ARHGAP23: variants seen among roughly 807,000 people sequenced by gnomAD.
ARHGAP23 encodes Rho GTPase activating protein 23.
In ARHGAP23, 34 loss-of-function variants were observed where a neutral mutation model predicts 136.3. The observed-to-expected ratio is 0.25, with a 90% CI of 0.19 to 0.33. The LOEUF is 0.33. Among genes scored for constraint, ARHGAP23 ranks in the 10% least tolerant of loss-of-function variants. The probability of loss-of-function intolerance (pLI) is 1.00; values close to 1 mark genes in which losing one functional copy is unlikely to be tolerated. For missense variants in ARHGAP23, 1,808 were observed against 2,139.0 expected, an observed-to-expected ratio of 0.85 and a Z score of 3.05; for synonymous variants, 832 against 920.5, an observed-to-expected ratio of 0.90 and a Z score of 1.74.
intron 22 of ARHGAP23, chr17:38,498,982 A>C (rs1162596229): frequency 1.4e-6 from 1 of 692,380 alleles, no homozygotes; most frequent in South Asian, 1.5e-5. Context: ...GGCCTCGGTC[A>C]CTAACAGTGG....
intron 1 of ARHGAP23, among the ~76,000 whole-genome samples, chr17:38,447,044 C>G (rs1025739956): frequency 6.6e-6 from 1 of 152,170 alleles, no homozygotes; most frequent in Non-Finnish European, 1.5e-5. Flanking sequence ...CACTCCTGGC[C>G]TCCCAAACAC....
At chr17:38,475,026 G>T (rs960087755) in intron 11 of ARHGAP23, among the ~76,000 whole-genome samples, 1 of 152,214 alleles carries the variant, frequency 6.6e-6, no homozygotes, top group African/African-American at 2.4e-5. Flanking sequence ...CTGCTCACTG[G>T]CCAGTTCTGG....
At chr17:38,454,127 C>T (rs1266286824) in intron 1 of ARHGAP23, 1 of 151,490 alleles carries the variant, frequency 6.6e-6, no homozygotes, top group Non-Finnish European at 1.5e-5. Context: ...GCGCCCGGGC[C>T]GCGCCGGGCC....
chr17:38,499,509 C>T (rs908538737), intron 22 of ARHGAP23, among the ~76,000 whole-genome samples: 3 of 152,308 alleles, frequency 2.0e-5, no homozygotes, highest in South Asian at 2.1e-4. Context: ...CTCCTCCCCC[C>T]GCCATGGTTG....
chr17:38,455,296 G>A lies in ARHGAP23; in HGVS notation c.64-2806G>A, dbSNP rs537618808. On this transcript the variant is annotated intron_variant, in intron 1 of 23. Transcript: ENST00000622683. The stretch of plus-strand genomic sequence containing the variant: ...GTCCTGGTGTCTCCTCTTCAAGCAG[G>A]TGTGTGGTAGCTGTGGCTGTGTGGT... 3.3e-5 allele frequency among the ~76,000 whole-genome samples: 5 copies of A among 152,338 alleles called. No homozygotes were observed. In the South Asian group the frequency reaches 1.0e-3, roughly 32 times the overall value.
At chr17:38,467,631 TCTTC>T (rs1276866426) in intron 7 of ARHGAP23, among the ~76,000 whole-genome samples, 1 of 151,950 alleles carries the variant, frequency 6.6e-6, no homozygotes, top group Non-Finnish European at 1.5e-5. Flanking sequence ...CATCATCTGT[TCTTC>T]CTTCCTTCTT....
intron 17 of ARHGAP23, 79 bp from the exon 18 acceptor site, chr17:38,490,023 C>G: frequency 7.0e-7 from 1 of 1,419,584 alleles, no homozygotes; most frequent in South Asian, 1.2e-5. Context: ...AAACACAGCC[C>G]TCCCAGCAGG....
chr17:38,456,685 G>A (rs1164762668), intron 1 of ARHGAP23, among the ~76,000 whole-genome samples: 1 of 152,180 alleles, frequency 6.6e-6, no homozygotes, highest in African/African-American at 2.4e-5. Flanking sequence ...ATCTTCCCCA[G>A]TTGGGCTCCG....
intron 3 of ARHGAP23, 53 bp downstream of exon 3, chr17:38,460,985 C>T: frequency 6.5e-7 from 1 of 1,528,872 alleles, no homozygotes; most frequent in Non-Finnish European, 8.8e-7. Context: ...CTTCCAGCTC[C>T]TGTCTCTCCC....
chr17:38,458,041 T>C (rs2039369212), intron 1 of ARHGAP23, 61 bp from the exon 2 acceptor site: 6 of 1,526,218 alleles, frequency 3.9e-6, no homozygotes, highest in Non-Finnish European at 4.4e-6. Flanking sequence ...CAGGAGGTGG[T>C]GCAAACAGCC....
At chr17:38,493,690 G>T (rs1405566028) in intron 20 of ARHGAP23, among the ~76,000 whole-genome samples, 1 of 152,236 alleles carries the variant, frequency 6.6e-6, no homozygotes, top group Non-Finnish European at 1.5e-5. Flanking sequence ...CATAGCCAGG[G>T]CAGTGCTGCT....
At chr17:38,474,247 G>T (rs115518571) in intron 11 of ARHGAP23, among the ~76,000 whole-genome samples, 1,913 of 152,312 alleles carry the variant, frequency 0.013, 46 homozygotes, top group African/African-American at 0.044. Flanking sequence ...ATGTGGGCTG[G>T]GGATGGCAGG....
At chr17:38,507,993 T>A (rs2144821526) in intron 23 of ARHGAP23, among the ~76,000 whole-genome samples, 1 of 152,344 alleles carries the variant, frequency 6.6e-6, no homozygotes, top group African/African-American at 2.4e-5. Context: ...CAGGAACCAG[T>A]CCCAGCGTCT....
At chr17:38,481,406 C>T (rs2040038806) in intron 14 of ARHGAP23, among the ~76,000 whole-genome samples, 1 of 152,188 alleles carries the variant, frequency 6.6e-6, no homozygotes, top group Non-Finnish European at 1.5e-5. Context: ...CTCGGCCTCC[C>T]ATAGTGCTGG....
intron 20 of ARHGAP23, among the ~76,000 whole-genome samples, chr17:38,493,261 GGGCAGA>G (rs1354331909): frequency 1.3e-5 from 2 of 150,972 alleles, no homozygotes; most frequent in African/African-American, 4.9e-5. Context: ...GGAGTGCAGT[GGGCAGA>G]TACGGCCCAC....
intron 23 of ARHGAP23, 60 bp from the exon 24 acceptor site, chr17:38,509,884 C>A: frequency 8.4e-7 from 1 of 1,196,182 alleles, no homozygotes; most frequent in Non-Finnish European, 1.1e-6. Context: ...CCGGGTAGAG[C>A]GGGGTCGGCA....
chr17:38,481,078 C>T (rs562744764), intron 14 of ARHGAP23, among the ~76,000 whole-genome samples: 6 of 152,144 alleles, frequency 3.9e-5, no homozygotes, highest in Non-Finnish European at 7.4e-5. Context: ...TAGGTTCAAG[C>T]GATTCTTGTG....
Position 38,466,287 on chromosome 17 carries a change from T to C in ARHGAP23, c.604T>C (p.Ser202Pro). The C allele has an allele frequency of 6.5e-7, 1 of 1,546,576 alleles. No homozygotes were observed. Among genetic ancestry groups the C allele is most frequent in the African/African-American group, 1.4e-5 (1 of 72,820 alleles). The change falls in exon 7 of 24, where the codon TCC (serine) becomes CCC (proline). Residue 202 changes from serine to proline, a missense_variant. This residue lies in a region of ARHGAP23 where 859 missense variants were observed against 936.4 expected (regional missense o/e 0.92). Coordinates refer to ENST00000622683, the MANE Select transcript of ARHGAP23 (RefSeq NM_001199417.2). The stretch of plus-strand genomic sequence containing the variant: ...GACCTACGCCCCTCCTGCCCGGGCC[T>C]CCACCAGGGCCACTATGGTGCCTGA... ...RKTYAPPARA[S>P]TRATMVPEPT...
At chr17:38,447,008 T>C (rs1399681390) in intron 1 of ARHGAP23, among the ~76,000 whole-genome samples, 1 of 152,106 alleles carries the variant, frequency 6.6e-6, no homozygotes, top group Non-Finnish European at 1.5e-5. Flanking sequence ...AGATGGGGTC[T>C]CTATATGTTT....
Sources: gnomAD v4.1 joint callset for allele counts (sites outside exome capture counted in the v4.1 genomes callset) on GRCh38, gnomAD v4.1.1 for gene constraint, gnomAD v4.1.1 regional missense constraint, MANE v1.5 for transcripts, NCBI Gene and HGNC (gene_info 2026-07-23, HGNC 2026-07-21) for gene names.